Variants in CSF1R observed in about 807,000 individuals in gnomAD.
The protein encoded by CSF1R is macrophage colony-stimulating factor 1 receptor.
A neutral mutation model predicts 110.0 loss-of-function variants in CSF1R; 40 were observed. The observed-to-expected ratio is 0.36, with a 90% CI of 0.28 to 0.47. CSF1R has a LOEUF of 0.47. Ranked by LOEUF, CSF1R falls within the 20% of genes least tolerant of loss-of-function variation. The pLI is 0.99. For synonymous variants in CSF1R, 523 were observed against 503.4 expected (o/e 1.04, Z -0.52); for missense variants, 1,052 against 1,253.0 (o/e 0.84, Z 2.42).
intron 1 of CSF1R, among the ~76,000 whole-genome samples, chr5:150,083,082 T>C (rs1052217562): frequency 1.3e-5 from 2 of 152,086 alleles, no homozygotes; most frequent in African/African-American, 4.8e-5. Flanking sequence ...AGGATAAGGC[T>C]GATACCCGCA....
intron 1 of CSF1R, among the ~76,000 whole-genome samples, chr5:150,092,156 C>T (rs1397959220): frequency 6.6e-6 from 1 of 152,226 alleles, no homozygotes; most frequent in Non-Finnish European, 1.5e-5. Flanking sequence ...ATAGCCAATA[C>T]ATAAACTATT....
chr5:150,077,546 G>A (rs1011260533), intron 4 of CSF1R, 111 bp from the exon 5 acceptor site: 76 of 1,207,886 alleles, frequency 6.3e-5, no homozygotes, highest in Non-Finnish European at 8.9e-5. Context: ...CTCTGAGCCT[G>A]TTGCTTCACT....
intron 16 of CSF1R, among the ~76,000 whole-genome samples, chr5:150,057,076 G>A (rs992410055): frequency 6.6e-6 from 1 of 152,046 alleles, no homozygotes; most frequent in Non-Finnish European, 1.5e-5. Flanking sequence ...TCTTCACGCT[G>A]GGGACACAGG....
chr5:150,084,377 A>AAGAC lies in CSF1R; in HGVS notation c.49+2001_49+2002insGTCT, dbSNP rs1581329852. Among the ~76,000 whole-genome samples, 11 of 48,058 alleles carry AAGAC rather than the reference A, an allele frequency of 2.3e-4. 1 individual carries two copies. In the East Asian group the frequency reaches 4.6e-3, roughly 20 times the overall value. 31.5% of individuals were successfully genotyped at this position (48,058 alleles called of 152,430 possible). A position where few individuals can be genotyped will look rare whatever the true frequency, so the allele number is the denominator to read the frequency against. ...AAAGAAAGAAAGAAAGAAAGAAAGA[A>AAGAC]AGAAAGAAAGAAAGAAGGAAGGAAG... On this transcript the variant is annotated intron_variant, in intron 1 of 20. Coordinates refer to ENST00000675795, the MANE Select transcript of CSF1R (RefSeq NM_001288705.3).
intron 10 of CSF1R, among the ~76,000 whole-genome samples, chr5:150,066,224 TCA>T (rs1333165560): frequency 2.6e-5 from 4 of 152,258 alleles, no homozygotes; most frequent in Admixed American, 1.3e-4. Flanking sequence ...GCAGCTCCCA[TCA>T]CAGAGACTGT....
chr5:150,070,844 C>T (rs1758002886), intron 6 of CSF1R, among the ~76,000 whole-genome samples: 1 of 152,150 alleles, frequency 6.6e-6, no homozygotes, highest in Non-Finnish European at 1.5e-5. Flanking sequence ...GGAGGCCTAT[C>T]ACAGGTCGCC....
intron 10 of CSF1R, 22 bp from the exon 11 acceptor site, chr5:150,061,871 C>T (rs565759418): frequency 3.7e-5 from 60 of 1,613,798 alleles, no homozygotes; most frequent in Non-Finnish European, 4.4e-5. Context: ...GAAGGGAGCA[C>T]GTGGCAGTCG....
chr5:150,062,506 C>T (rs1757577170), intron 10 of CSF1R, among the ~76,000 whole-genome samples: 1 of 148,430 alleles, frequency 6.7e-6, no homozygotes, highest in Admixed American at 7.2e-5. Context: ...CCTCAGTGGA[C>T]TCACACAGCA....
rs531168068 is a variant in CSF1R, at chr5:150,104,960, C to T, written c.-181+8301G>A. On this transcript the variant is annotated intron_variant, in intron 1 of 21. Transcript: ENST00000286301. ...GTGGCGTGATCTCAGCTCACTGCAA[C>T]CTCCACCTCCTGGGTTCAAGTGATT... Among the ~76,000 whole-genome samples, 138 of 151,178 alleles carry T rather than the reference C, an allele frequency of 9.1e-4. 1 individual carries two copies. Among genetic ancestry groups the T allele is most frequent in the African/African-American group, 3.1e-3 (128 of 41,224 alleles).
chr5:150,071,125 G>A (rs1008942973), intron 6 of CSF1R, among the ~76,000 whole-genome samples: 1 of 152,146 alleles, frequency 6.6e-6, no homozygotes, highest in African/African-American at 2.4e-5. Context: ...TAATTCACAG[G>A]CTTGGCTTGA....
intron 9 of CSF1R, 83 bp downstream of exon 9, chr5:150,069,790 G>A: frequency 1.6e-6 from 2 of 1,257,984 alleles, no homozygotes; most frequent in Non-Finnish European, 2.1e-6. Flanking sequence ...CTCCCTCGGT[G>A]GGGGGTGGGG....
At chr5:150,081,552 A>G (rs1472065422) in intron 1 of CSF1R, among the ~76,000 whole-genome samples, 2 of 152,170 alleles carry the variant, frequency 1.3e-5, no homozygotes, top group African/African-American at 4.8e-5. Context: ...CCACCAATGG[A>G]CATCTGGTCT....
intron 13 of CSF1R, among the ~76,000 whole-genome samples, chr5:150,060,096 G>C (rs970195579): frequency 6.6e-6 from 1 of 152,098 alleles, no homozygotes; most frequent in African/African-American, 2.4e-5. Context: ...GGGAGGCCAA[G>C]GTGGGTGGAT....
chr5:150,057,299 G>C lies in CSF1R; in HGVS notation c.2307C>G (p.Leu769=). The change falls in exon 16 of 21, where the codon CTC becomes CTG. Residue 769 remains leucine (L), a synonymous_variant. Transcript: ENST00000675795. ...SSQVAQGMAF[L]ASKNCIHRDV... ...GGTTCCTACTCACATTCTTGGAAGC[G>C]AGGAAGGCCATGCCCTGGGCTACTT... The C allele has an allele frequency of 6.2e-7, 1 of 1,613,320 alleles. No individual in the cohort carries two copies. The highest frequency in any genetic ancestry group is 8.5e-7 in the Non-Finnish European group (1 of 1,179,920).
At chr5:150,081,092 T>C in intron 1 of CSF1R, 68 bp from the exon 2 acceptor site, 1 of 1,561,894 alleles carries the variant, frequency 6.4e-7, no homozygotes, top group Non-Finnish European at 8.7e-7. Flanking sequence ...GTCCTGACTC[T>C]GAGATGGGTG....
At chr5:150,077,659 T>C (rs937831308) in intron 4 of CSF1R, among the ~76,000 whole-genome samples, 1 of 152,058 alleles carries the variant, frequency 6.6e-6, no homozygotes. Flanking sequence ...ACACGGCAGG[T>C]GCAGTGGGAA....
At chr5:150,105,363 A>ATATATATATAT (rs1438004087) in intron 1 of CSF1R, among the ~76,000 whole-genome samples, 1 of 88,168 alleles carries the variant, frequency 1.1e-5, no homozygotes, top group Non-Finnish European at 2.1e-5. Flanking sequence ...AAAAAAAAAA[A>ATATATATATAT]ATATATATAT....
intron 1 of CSF1R, among the ~76,000 whole-genome samples, chr5:150,099,307 A>G (rs1374868723): frequency 6.6e-6 from 1 of 152,134 alleles, no homozygotes; most frequent in African/African-American, 2.4e-5. Flanking sequence ...TATAAAGTTA[A>G]AAAGGAAACT....
intron 10 of CSF1R, among the ~76,000 whole-genome samples, chr5:150,066,398 G>A (rs1757773524): frequency 6.6e-6 from 1 of 152,194 alleles, no homozygotes. Flanking sequence ...TTTGGACCCA[G>A]ATTCACTGAA....
Sources: gnomAD v4.1 joint callset for allele counts (sites outside exome capture counted in the v4.1 genomes callset) on GRCh38, gnomAD v4.1.1 for gene constraint, MANE v1.5 for transcripts, NCBI Gene and HGNC (gene_info 2026-07-23, HGNC 2026-07-21) for gene names.